The following DNAJC3 variants were observed in gnomAD, a reference collection of about 807,000 sequenced individuals.
DNAJC3 encodes dnaJ homolog subfamily C member 3.
Under a neutral mutation model 68.6 loss-of-function variants are expected in DNAJC3, and 38 were observed. The observed-to-expected ratio is 0.55, with a 90% confidence interval of 0.43 to 0.73. DNAJC3 has a LOEUF of 0.73. DNAJC3 is among the 30% of genes least tolerant of loss of function. DNAJC3 has a pLI of 0.00. For synonymous variants in DNAJC3, 203 were observed against 204.0 expected (o/e 1.00, Z 0.04); for missense variants, 526 against 591.9 (o/e 0.89, Z 1.16).
intron 4 of DNAJC3, among the ~76,000 whole-genome samples, chr13:95,730,457 CT>C (rs1156378909): frequency 6.6e-6 from 1 of 152,108 alleles, no homozygotes; most frequent in East Asian, 1.9e-4. Flanking sequence ...ACGTTTAAGT[CT>C]TTAAGGCGTT....
intron 4 of DNAJC3, among the ~76,000 whole-genome samples, chr13:95,741,546 C>T (rs549373484): frequency 3.3e-5 from 5 of 152,258 alleles, no homozygotes; most frequent in African/African-American, 9.6e-5. Context: ...TCTTGGGCTT[C>T]CGGGTGGCCT....
intron 2 of DNAJC3, 26 bp downstream of exon 2, chr13:95,709,363 C>T: frequency 6.6e-7 from 1 of 1,521,566 alleles, no homozygotes; most frequent in Admixed American, 2.0e-5. Context: ...CCAAATCACT[C>T]AGTGTCTGTC....
rs367668663 is a variant in DNAJC3 at position 95,790,862 on chromosome 13, T to C, written c.1358-11T>C. The C allele has an allele frequency of 8.1e-6, 13 of 1,607,082 alleles. No individual in the cohort carries two copies. Among genetic ancestry groups the C allele is most frequent in the Non-Finnish European group, 1.0e-5 (12 of 1,178,526 alleles). On this transcript the variant is annotated splice_polypyrimidine_tract_variant and intron_variant, in intron 11 of 11. Transcript: ENST00000602402. Reference sequence around the variant, plus strand: ...TATTATCTGGTTCTTAATTTTCTGATTTCTTTCTAGAAATGAGAAAGAAGT... The same window carrying C: ...TATTATCTGGTTCTTAATTTTCTGACTTCTTTCTAGAAATGAGAAAGAAGT...
intron 9 of DNAJC3, among the ~76,000 whole-genome samples, chr13:95,776,044 A>G (rs557247918): frequency 2.6e-4 from 39 of 151,900 alleles, no homozygotes; most frequent in African/African-American, 6.8e-4. Context: ...CTTTAGCCCT[A>G]TAACTCCTGG....
intron 1 of DNAJC3, among the ~76,000 whole-genome samples, chr13:95,690,847 A>G (rs1380525310): frequency 2.9e-5 from 3 of 103,246 alleles, no homozygotes; most frequent in African/African-American, 7.6e-5. Context: ...GGGGCTCCTC[A>G]CTTCCCAGTA....
At chr13:95,714,619 A>G (rs1881078666) in intron 2 of DNAJC3, among the ~76,000 whole-genome samples, 2 of 152,244 alleles carry the variant, frequency 1.3e-5, no homozygotes, top group East Asian at 1.9e-4. Context: ...TAATTTGCAC[A>G]AGATTTTTCA....
intron 2 of DNAJC3, among the ~76,000 whole-genome samples, chr13:95,719,752 G>A (rs1566482339): frequency 6.6e-6 from 1 of 152,172 alleles, no homozygotes; most frequent in Non-Finnish European, 1.5e-5. Context: ...CCTAAAAACT[G>A]AACAGTAGAA....
rs1883816559 is a variant in DNAJC3, at chr13:95,792,723, G to A, written c.*1693G>A. On this transcript the variant is annotated 3_prime_UTR_variant, in exon 12 of 12. Transcript: ENST00000602402. ...GTGAACACCTTACAGCTTTCATTTTGCTTTAATGTTTCAATTCAAGCCGGT... is the reference window on the plus strand; with the variant it reads ...GTGAACACCTTACAGCTTTCATTTTACTTTAATGTTTCAATTCAAGCCGGT... 1 of 152,122 alleles carries A rather than the reference G, an allele frequency of 6.6e-6. No homozygotes were observed. The highest frequency in any genetic ancestry group is 2.4e-5 in the African/African-American group (1 of 41,424). 9.4% of individuals were successfully genotyped at this position (152,122 alleles called of 1,614,324 possible). A position where few individuals can be genotyped will look rare whatever the true frequency, so the allele number is the denominator to read the frequency against.
intron 2 of DNAJC3, among the ~76,000 whole-genome samples, chr13:95,716,814 T>C (rs1324884975): frequency 6.6e-6 from 1 of 152,216 alleles, no homozygotes; most frequent in Admixed American, 6.5e-5. Context: ...GCTTAAGGTC[T>C]CTGATTTATA....
intron 11 of DNAJC3, among the ~76,000 whole-genome samples, chr13:95,788,815 ATT>A (rs1016582726): frequency 9.2e-5 from 14 of 152,266 alleles, no homozygotes; most frequent in Admixed American, 3.9e-4. Flanking sequence ...CCCTAGATTA[ATT>A]TTGCCTGTGA....
intron 2 of DNAJC3, among the ~76,000 whole-genome samples, chr13:95,709,628 CTTTT>C (rs955053415): frequency 2.7e-5 from 3 of 112,178 alleles, no homozygotes; most frequent in Non-Finnish European, 5.3e-5. Context: ...TGGCTTCTGA[CTTTT>C]TTTTTTTTTT....
chr13:95,705,505 CCT>C (rs542563894), intron 1 of DNAJC3, among the ~76,000 whole-genome samples: 4 of 150,578 alleles, frequency 2.7e-5, no homozygotes, highest in East Asian at 2.0e-4. Flanking sequence ...TACATTTCTC[CCT>C]CTCTCTCTCT....
chr13:95,744,082 C>G (rs79844618), intron 4 of DNAJC3, among the ~76,000 whole-genome samples: 4,673 of 152,170 alleles, frequency 0.031, 233 homozygotes, highest in African/African-American at 0.11. Context: ...TATGTTGAGT[C>G]CAGTGCATGA....
chr13:95,773,394 C>G (rs554909785), intron 9 of DNAJC3, among the ~76,000 whole-genome samples: 46 of 152,078 alleles, frequency 3.0e-4, no homozygotes, highest in African/African-American at 1.1e-3. Context: ...TAGTCTCAAA[C>G]TCCTGGGATC....
chr13:95,740,281 T>C (rs372022495), intron 4 of DNAJC3, among the ~76,000 whole-genome samples: 6 of 151,348 alleles, frequency 4.0e-5, no homozygotes, highest in South Asian at 2.1e-4. Flanking sequence ...TGTGCCCTGC[T>C]CCCAGAGGTG....
chr13:95,740,418 C>G (rs1161099530), intron 4 of DNAJC3, among the ~76,000 whole-genome samples: 3 of 152,048 alleles, frequency 2.0e-5, no homozygotes, highest in African/African-American at 7.2e-5. Flanking sequence ...GCCTCGCTGC[C>G]GCCTTGCAGT....
chr13:95,742,207 G>C (rs1220850242), intron 4 of DNAJC3, among the ~76,000 whole-genome samples: 3 of 152,196 alleles, frequency 2.0e-5, no homozygotes, highest in Non-Finnish European at 4.4e-5. Context: ...CTTGCTGCTA[G>C]TGTCTTGTGC....
intron 9 of DNAJC3, among the ~76,000 whole-genome samples, chr13:95,783,488 GT>G (rs1390858713): frequency 1.3e-5 from 2 of 152,184 alleles, no homozygotes; most frequent in Non-Finnish European, 2.9e-5. Context: ...TATGTGTTGT[GT>G]TATGGGTGTT....
intron 1 of DNAJC3, among the ~76,000 whole-genome samples, chr13:95,697,518 C>T (rs755643251): frequency 6.6e-6 from 1 of 152,148 alleles, no homozygotes; most frequent in Non-Finnish European, 1.5e-5. Context: ...TAGTATCTTC[C>T]AGGTGCCCTG....
Sources: gnomAD v4.1 joint callset for allele counts (sites outside exome capture counted in the v4.1 genomes callset) on GRCh38, gnomAD v4.1.1 for gene constraint, MANE v1.5 for transcripts, NCBI Gene and HGNC (gene_info 2026-07-23, HGNC 2026-07-21) for gene names.